Variants in PJA2 observed in about 807,000 individuals in gnomAD.
The protein encoded by PJA2 is E3 ubiquitin-protein ligase Praja-2.
In PJA2, 25 loss-of-function variants were observed where a neutral mutation model predicts 69.3. The ratio of observed to expected loss-of-function variants is 0.36; its 90% CI spans 0.26 to 0.50. PJA2 has a LOEUF of 0.50. Among genes scored for constraint, PJA2 ranks in the 20% least tolerant of loss-of-function variants. PJA2 has a pLI of 0.96. For synonymous variants in PJA2, 308 were observed against 277.8 expected, an observed-to-expected ratio of 1.11 and a Z score of -1.08; for missense variants, 809 against 830.2, an observed-to-expected ratio of 0.97 and a Z score of 0.31.
intron 1 of PJA2, among the ~76,000 whole-genome samples, chr5:109,402,989 A>G (rs1296034569): frequency 6.6e-6 from 1 of 152,116 alleles, no homozygotes; most frequent in Non-Finnish European, 1.5e-5. Context: ...ATAAATTAAC[A>G]TAGAGGAATT....
intron 9 of PJA2, among the ~76,000 whole-genome samples, chr5:109,342,186 G>A (rs1377834362): frequency 6.0e-5 from 5 of 83,468 alleles, no homozygotes; most frequent in East Asian, 2.9e-4. Context: ...CGCCCCGTCC[G>A]GGAGGGAGGT....
rs1425372563 is a variant in PJA2 at position 109,336,151 on chromosome 5, C to A, written c.*1080G>T. 6.6e-6 allele frequency: 1 copy of A among 152,426 alleles called. No homozygotes were observed. The highest frequency in any genetic ancestry group is 2.4e-5 in the African/African-American group (1 of 41,454). The allele number at this position is 152,426 out of a possible 1,614,324, so 9.4% of individuals were successfully genotyped here. ...TACCAGTTAGACGGACATACACTCA[C>A]TATGTGCTTTACTATTTTACTTGCT... On this transcript the variant is annotated 3_prime_UTR_variant, in exon 10 of 10. Coordinates refer to ENST00000361189, the MANE Select transcript of PJA2 (RefSeq NM_014819.5).
chr5:109,381,493 T>C lies in PJA2; in HGVS notation c.232+10A>G. 1 of 1,608,386 alleles carries C rather than the reference T, an allele frequency of 6.2e-7. No homozygotes were observed. ...TATTAATAACCTTTAAATAATTAAA[T>C]GTTACACACCTGAGGAATTTTCCTT... is the stretch of plus-strand genomic sequence containing the variant. On this transcript the variant is annotated intron_variant, in intron 3 of 9. Transcript: ENST00000361189.
intron 1 of PJA2, among the ~76,000 whole-genome samples, chr5:109,384,662 A>G (rs1343501509): frequency 2.0e-5 from 3 of 152,214 alleles, no homozygotes; most frequent in African/African-American, 7.2e-5. Flanking sequence ...ACAAACCCAC[A>G]TTCACCCATA....
rs189328127 is a variant in PJA2 at position 109,362,457 on chromosome 5, T to C, written c.1652+383A>G. The stretch of plus-strand genomic sequence containing the variant: ...GAATAGGGAAGGAGAACTATTCTTA[T>C]TGTTTTCTGATTCAACCATAGGTTT... On this transcript the variant is annotated intron_variant, in intron 6 of 9. Coordinates refer to ENST00000361189, the MANE Select transcript of PJA2 (RefSeq NM_014819.5). Among the ~76,000 whole-genome samples the C allele has an allele frequency of 1.4e-4, 22 of 152,372 alleles. 1 individual carries two copies. In the South Asian group the frequency reaches 1.4e-3, roughly 10 times the overall value.
In PJA2 at chr5:109,379,025, T is replaced by TG; in HGVS notation, c.461dup (p.Ser155LysfsTer15). On this transcript the variant is annotated frameshift_variant, in exon 4 of 10. Transcript: ENST00000361189. LOFTEE classifies it high-confidence loss of function. ...CCAATGCAATTCCATTTTGGACACT[T>TG]GAAGCACTACAAGCTCCTGGAATAT... 1 of 1,614,168 alleles carries TG rather than the reference T, an allele frequency of 6.2e-7. No individual in the cohort carries two copies. Among genetic ancestry groups the TG allele is most frequent in the Non-Finnish European group, 8.5e-7 (1 of 1,180,010 alleles).
chr5:109,348,328 A>G (rs1762199616), intron 7 of PJA2, among the ~76,000 whole-genome samples: 1 of 152,230 alleles, frequency 6.6e-6, no homozygotes, highest in Non-Finnish European at 1.5e-5. Flanking sequence ...CAGCCCTAAA[A>G]GATGCTCTTG....
chr5:109,350,817 C>A (rs1762237826), intron 7 of PJA2, among the ~76,000 whole-genome samples: 1 of 152,044 alleles, frequency 6.6e-6, no homozygotes, highest in South Asian at 2.1e-4. Flanking sequence ...TATACAGGTG[C>A]TATTGTGAGT....
Position 109,344,777 on chromosome 5 carries a change from C to T in PJA2, c.1807G>A (p.Val603Met). 1.9e-6 allele frequency: 3 copies of T among 1,614,046 alleles called. No individual in the cohort carries two copies. The highest frequency in any genetic ancestry group is 1.7e-6 in the Non-Finnish European group (2 of 1,179,960). ...HLESLAVDVE[V>M]ANPPASKESI... is the part of the protein sequence containing the mutation. Reference sequence around the variant, plus strand: ...TCCTTACTAGCTGGTGGATTGGCCACCTCAACATCCACTGCAAGAGACTCT... The same window carrying T: ...TCCTTACTAGCTGGTGGATTGGCCATCTCAACATCCACTGCAAGAGACTCT... Residue 603 changes from valine to methionine, a missense_variant, in exon 8 of 10, where the codon GTG becomes ATG. This residue lies in a region of PJA2 where 55 missense variants were observed against 90.7 expected (regional missense o/e 0.61). Transcript: ENST00000361189.
intron 7 of PJA2, among the ~76,000 whole-genome samples, chr5:109,353,429 G>T (rs1466600144): frequency 2.1e-5 from 1 of 47,316 alleles, no homozygotes; most frequent in Non-Finnish European, 6.3e-5. Flanking sequence ...CTATATATTA[G>T]ATACCTATAT....
intron 1 of PJA2, among the ~76,000 whole-genome samples, chr5:109,388,883 T>C (rs1245202191): frequency 1.3e-5 from 2 of 152,158 alleles, no homozygotes; most frequent in African/African-American, 4.8e-5. Context: ...ATGAATTCCT[T>C]AGACACACGG....
At chr5:109,377,974 T>C (rs191175274) in intron 4 of PJA2, among the ~76,000 whole-genome samples, 66 of 152,338 alleles carry the variant, frequency 4.3e-4, no homozygotes, top group Middle Eastern at 3.4e-3. Flanking sequence ...ATAATAATCA[T>C]TATCTGAACT....
chr5:109,401,118 C>G (rs541178593), intron 1 of PJA2, among the ~76,000 whole-genome samples: 1 of 152,106 alleles, frequency 6.6e-6, no homozygotes, highest in Non-Finnish European at 1.5e-5. Flanking sequence ...ATGGTGAAAC[C>G]CTGTTAAATA....
At chr5:109,385,566 T>C (rs1747139064) in intron 1 of PJA2, among the ~76,000 whole-genome samples, 1 of 152,180 alleles carries the variant, frequency 6.6e-6, no homozygotes, top group South Asian at 2.1e-4. Context: ...AATGGAAATA[T>C]TAAATAGGAG....
At chr5:109,357,459 T>C (rs1762432371) in intron 6 of PJA2, among the ~76,000 whole-genome samples, 1 of 152,228 alleles carries the variant, frequency 6.6e-6, no homozygotes, top group Non-Finnish European at 1.5e-5. Context: ...CATGCACATA[T>C]AATCACAGAT....
chr5:109,399,954 T>C (rs906587060), intron 1 of PJA2, among the ~76,000 whole-genome samples: 30 of 152,154 alleles, frequency 2.0e-4, no homozygotes, highest in Non-Finnish European at 4.3e-4. Flanking sequence ...ATGCATTCTA[T>C]GGGCTCATTA....
rs1482071807 is a variant in PJA2 at position 109,362,907 on chromosome 5, T to C, written c.1585A>G (p.Met529Val). ...PANEFAQPAF[M>V]LDGNNNLEDD... Reference sequence around the variant, plus strand: ...TCCAGGTTATTGTTACCATCCAACATGAAAGCTGGCTGTGCAAATTCATTG... The same window carrying C: ...TCCAGGTTATTGTTACCATCCAACACGAAAGCTGGCTGTGCAAATTCATTG... The change falls in exon 6 of 10, where the codon ATG becomes GTG. Residue 529 changes from methionine (M) to valine (V), a missense_variant. Met to Val is a conservative substitution (Grantham distance 21). Around this residue, in one of 4 missense-constraint regions of PJA2, gnomAD observed 700 missense variants for 639.5 expected, o/e 1.09. Coordinates refer to ENST00000361189, the MANE Select transcript of PJA2 (RefSeq NM_014819.5). 1 of 1,613,734 alleles carries C rather than the reference T, an allele frequency of 6.2e-7. No homozygotes were observed. The highest frequency in any genetic ancestry group is 8.5e-7 in the Non-Finnish European group (1 of 1,179,808).
chr5:109,404,189 C>T (rs926963638), intron 1 of PJA2, among the ~76,000 whole-genome samples: 1 of 152,108 alleles, frequency 6.6e-6, no homozygotes, highest in Non-Finnish European at 1.5e-5. Context: ...ACTCCTATAA[C>T]AAGCTCCCAT....
At chr5:109,342,701 G>A (rs1762097617) in intron 9 of PJA2, among the ~76,000 whole-genome samples, 2 of 136,602 alleles carry the variant, frequency 1.5e-5, no homozygotes, top group South Asian at 4.5e-4. Context: ...GGAGGGAGGT[G>A]GGGGGAGTCA....
Sources: gnomAD v4.1 joint callset for allele counts (sites outside exome capture counted in the v4.1 genomes callset) on GRCh38, gnomAD v4.1.1 for gene constraint, gnomAD v4.1.1 regional missense constraint, MANE v1.5 for transcripts, NCBI Gene and HGNC (gene_info 2026-07-23, HGNC 2026-07-21) for gene names.